Variants in CEP164 observed in about 807,000 individuals in gnomAD.
CEP164 encodes the protein centrosomal protein 164.
Under a neutral mutation model 182.7 loss-of-function variants are expected in CEP164, and 162 were observed. The observed-to-expected ratio is 0.89, with a 90% CI of 0.78 to 1.01. The LOEUF (loss-of-function observed/expected upper bound fraction) is 1.01, where lower values mean the gene tolerates loss of function less well. CEP164 is among the 50% of genes least tolerant of loss of function. CEP164 has a pLI of 0.00. For synonymous variants in CEP164, 661 were observed against 690.0 expected (o/e 0.96, Z 0.66); for missense variants, 1,735 against 1,790.4 (o/e 0.97, Z 0.56).
rs779713279 is a variant in CEP164 at position 117,390,807 on chromosome 11, T to G, written c.1965T>G (p.Ile655Met). 9.3e-6 allele frequency: 15 copies of G among 1,613,330 alleles called. No individual in the cohort carries two copies. The South Asian group carries it at 1.6e-4, about 18-fold the overall frequency. The part of the protein sequence containing the change: ...SSLRERLQKA[I>M]EEEEARMREE... ...TGAGGGAGCGGCTGCAGAAAGCCAT[T>G]GAGGAGGAGGAGGCCCGGATGAGAG... Residue 655 changes from isoleucine to methionine, a missense_variant, in exon 16 of 33, where the codon ATT becomes ATG. Coordinates refer to ENST00000278935, the MANE Select transcript of CEP164 (RefSeq NM_014956.5).
intron 4 of CEP164, among the ~76,000 whole-genome samples, chr11:117,350,305 C>T (rs985200680): frequency 6.6e-6 from 1 of 151,804 alleles, no homozygotes; most frequent in African/African-American, 2.4e-5. Flanking sequence ...TGGGCTCAAA[C>T]AATCCTCCCA....
At chr11:117,365,154 C>A (rs191140871) in intron 8 of CEP164, among the ~76,000 whole-genome samples, 5 of 152,202 alleles carry the variant, frequency 3.3e-5, no homozygotes, top group African/African-American at 1.2e-4. Flanking sequence ...TGTCAGAGGA[C>A]TTATTTGCTT....
chr11:117,337,614 G>A (rs534998357), intron 2 of CEP164, among the ~76,000 whole-genome samples: 133 of 151,840 alleles, frequency 8.8e-4, no homozygotes, highest in African/African-American at 3.1e-3. Flanking sequence ...TAACATCACT[G>A]GGTCTGTTCT....
chr11:117,359,751 A>T (rs2040721089), intron 5 of CEP164, among the ~76,000 whole-genome samples: 1 of 152,134 alleles, frequency 6.6e-6, no homozygotes, highest in Non-Finnish European at 1.5e-5. Context: ...ATAAGCCTAA[A>T]TTATTGTAAT....
chr11:117,338,599 C>A lies in CEP164; in HGVS notation c.13C>A (p.Pro5Thr), dbSNP rs749869599. 3.1e-6 allele frequency: 5 copies of A among 1,613,890 alleles called. No homozygotes were observed. The East Asian group carries it at 1.1e-4, about 36-fold the overall frequency. The change falls in exon 3 of 33, where the codon CCC (proline) becomes ACC (threonine). Residue 5 changes from proline to threonine, a missense_variant. By Grantham distance (38) the Pro-to-Thr change is conservative. Transcript: ENST00000278935. Reference protein sequence around the residue: MAGRPLRIGDQLVLE... With the variant: MAGRTLRIGDQLVLE... ...GCCCAGATGAGTCATGGCTGGACGA[C>A]CCCTCCGCATAGGAGATCAGCTGGT...
intron 10 of CEP164, among the ~76,000 whole-genome samples, chr11:117,375,477 C>T (rs938764374): frequency 1.3e-5 from 2 of 152,254 alleles, no homozygotes; most frequent in African/African-American, 4.8e-5. Context: ...TACCCACATA[C>T]TCACCATCTA....
intron 27 of CEP164, 108 bp downstream of exon 27, chr11:117,397,421 G>A: frequency 9.6e-7 from 1 of 1,046,202 alleles, no homozygotes; most frequent in Non-Finnish European, 1.4e-6. Context: ...GGGACTCCAT[G>A]AGAGTGGCCA....
intron 12 of CEP164, among the ~76,000 whole-genome samples, chr11:117,381,292 C>T (rs892633069): frequency 4.6e-5 from 7 of 152,220 alleles, no homozygotes; most frequent in Non-Finnish European, 1.0e-4. Context: ...AAAAACTATC[C>T]ATGACAGCTT....
chr11:117,350,249 C>A (rs1309797738), intron 4 of CEP164, among the ~76,000 whole-genome samples: 1 of 151,912 alleles, frequency 6.6e-6, no homozygotes, highest in Non-Finnish European at 1.5e-5. Context: ...GTCACCCAGG[C>A]TGGAGTGCAG....
upstream of CEP164, among the ~76,000 whole-genome samples, chr11:117,325,082 T>C (rs1350663457): frequency 6.6e-6 from 1 of 152,044 alleles, no homozygotes; most frequent in Non-Finnish European, 1.5e-5. Flanking sequence ...CCTTTATTTA[T>C]TTATTTATTT....
intron 5 of CEP164, chr11:117,356,046 G>C: frequency 1.8e-6 from 2 of 1,125,116 alleles, no homozygotes; most frequent in Non-Finnish European, 2.2e-6. Context: ...TCACACCTGG[G>C]CTCTCCTGTC....
At chr11:117,356,181 C>T (rs1251458054) in intron 5 of CEP164, 1 of 1,061,374 alleles carries the variant, frequency 9.4e-7, no homozygotes, top group Non-Finnish European at 1.1e-6. Flanking sequence ...CCTCACATGT[C>T]CCACATGCAG....
intron 30 of CEP164, 53 bp downstream of exon 30, chr11:117,410,018 CCTT>C: frequency 6.7e-7 from 1 of 1,503,580 alleles, no homozygotes; most frequent in Non-Finnish European, 9.3e-7. Flanking sequence ...TCCTCCTCTT[CCTT>C]CCTTTTCTTC....
intron 11 of CEP164, among the ~76,000 whole-genome samples, chr11:117,377,392 C>T (rs1392480329): frequency 6.6e-6 from 1 of 152,184 alleles, no homozygotes; most frequent in African/African-American, 2.4e-5. Flanking sequence ...GTTGGGGACC[C>T]CTCCCCTAAG....
chr11:117,396,995 G>C (rs2045562751), intron 26 of CEP164, 96 bp from the exon 27 acceptor site: 1 of 1,113,674 alleles, frequency 9.0e-7, no homozygotes, highest in Admixed American at 2.4e-5. Context: ...GCTCTGGTCT[G>C]TGCTCAGGGT....
In CEP164 at chr11:117,407,961, C is replaced by T. The variant is rs557730163; in HGVS notation, c.3538C>T (p.Arg1180Trp). The T allele has an allele frequency of 4.2e-5, 68 of 1,600,784 alleles. No individual in the cohort carries two copies. The Middle Eastern group carries it at 1.3e-3, about 31-fold the overall frequency. ...CCTGGATGAGATGAAGTCGGCCATG[C>T]GGAAAGGCCACAACCTGCTGAAGAA... The part of the protein sequence containing the change: ...RHLDEMKSAM[R>W]KGHNLLKKKE... Residue 1180 changes from arginine (R) to tryptophan (W), a missense_variant, in exon 28 of 33, where the codon CGG becomes TGG. Transcript: ENST00000278935.
intron 15 of CEP164, among the ~76,000 whole-genome samples, chr11:117,389,020 T>G (rs942153367): frequency 6.6e-6 from 1 of 152,064 alleles, no homozygotes; most frequent in Non-Finnish European, 1.5e-5. Flanking sequence ...TCCGCCTGCC[T>G]CGGCCTCCCA....
intron 9 of CEP164, among the ~76,000 whole-genome samples, chr11:117,372,470 T>C (rs1565515111): frequency 6.6e-6 from 1 of 151,054 alleles, no homozygotes; most frequent in Admixed American, 6.6e-5. Context: ...CAGGCTGGAG[T>C]GCAGTGGTGC....
rs2045125139 is a variant in CEP164 at position 117,394,323 on chromosome 11, C to T, written c.2617-27C>T. 1.3e-6 allele frequency: 2 copies of T among 1,572,832 alleles called. No individual in the cohort carries two copies. Among genetic ancestry groups the T allele is most frequent in the East Asian group, 2.3e-5 (1 of 43,116 alleles). On this transcript the variant is annotated intron_variant, in intron 20 of 32. Coordinates refer to ENST00000278935, the MANE Select transcript of CEP164 (RefSeq NM_014956.5). The surrounding 1 kb of genome is among the most constrained non-coding windows in gnomAD (Gnocchi z 4.0). The stretch of plus-strand genomic sequence containing the variant: ...TGGTAGAAGGGGCTGCCGCAGCTTC[C>T]CACCGGTGGGCCCACCCTCCTTGCA...
Sources: allele counts gnomAD v4.1 joint callset (sites outside exome capture counted in the v4.1 genomes callset), GRCh38; gene constraint gnomAD v4.1.1; non-coding constraint Gnocchi (gnomAD v3.1); transcripts MANE v1.5; gene names NCBI Gene and HGNC (gene_info 2026-07-23, HGNC 2026-07-21).